LRP1B: variants seen among roughly 807,000 people sequenced by gnomAD.
LRP1B encodes LDL receptor related protein 1B, also known as low-density lipoprotein receptor-related protein 1B.
Under a neutral mutation model 556.6 loss-of-function variants are expected in LRP1B, and 217 were observed. That is an observed-to-expected ratio of 0.39 (90% CI 0.35 to 0.44). The LOEUF (loss-of-function observed/expected upper bound fraction) is 0.44. Among genes scored for constraint, LRP1B ranks in the 20% least tolerant of loss-of-function variants. LRP1B has a pLI of 1.00. For missense variants in LRP1B, 5,053 were observed against 5,620.8 expected (o/e 0.90, Z 3.23); for synonymous variants, 2,047 against 1,865.8 (o/e 1.10, Z -2.50).
intron 89 of LRP1B, among the ~76,000 whole-genome samples, chr2:140,235,808 A>G (rs914905247): frequency 6.7e-6 from 1 of 150,370 alleles, no homozygotes; most frequent in African/African-American, 2.4e-5. Flanking sequence ...AATGATGAGG[A>G]AAAAATAACC....
intron 84 of LRP1B, among the ~76,000 whole-genome samples, chr2:140,297,059 T>G (rs922173210): frequency 7.9e-5 from 12 of 151,918 alleles, no homozygotes; most frequent in Admixed American, 2.6e-4. Context: ...GTGGGAGATG[T>G]GTTCATAAGT....
rs139276551 is a variant in LRP1B at position 141,238,284 on chromosome 2, T to G, written c.593-8844A>C. Reference sequence around the variant, plus strand: ...AGCTACAGAAAAATATTTTCTCTACTCAGACATCTTTCTCTATGTTATAGA... The same window carrying G: ...AGCTACAGAAAAATATTTTCTCTACGCAGACATCTTTCTCTATGTTATAGA... On this transcript the variant is annotated intron_variant, in intron 5 of 90. Coordinates refer to ENST00000389484, the MANE Select transcript of LRP1B (RefSeq NM_018557.3). 4.8e-3 allele frequency among the ~76,000 whole-genome samples: 731 copies of G among 152,264 alleles called. 5 individuals carry two copies. The highest frequency in any genetic ancestry group is 0.017 in the African/African-American group (701 of 41,572).
intron 1 of LRP1B, among the ~76,000 whole-genome samples, chr2:142,110,534 G>A (rs920178425): frequency 6.6e-6 from 1 of 152,004 alleles, no homozygotes; most frequent in Non-Finnish European, 1.5e-5. Context: ...TTCTAATGTA[G>A]CAAAAATGTC....
intron 57 of LRP1B, among the ~76,000 whole-genome samples, chr2:140,488,374 A>T (rs1688564239): frequency 6.6e-6 from 1 of 152,030 alleles, no homozygotes; most frequent in Non-Finnish European, 1.5e-5. Flanking sequence ...GGTAATCAAC[A>T]TGTTTTTATT....
At chr2:140,615,686 C>CTGT (rs1683229790) in intron 41 of LRP1B, among the ~76,000 whole-genome samples, 2 of 152,030 alleles carry the variant, frequency 1.3e-5, no homozygotes, top group South Asian at 4.1e-4. Context: ...TATCACAATG[C>CTGT]TGTTTGTCAA....
Position 141,481,841 on chromosome 2 carries a change from C to G in LRP1B, c.206-1308G>C, listed in dbSNP as rs146908821. On this transcript the variant is annotated intron_variant, in intron 2 of 90. Coordinates refer to ENST00000389484, the MANE Select transcript of LRP1B (RefSeq NM_018557.3). ...TGTGGTGAGGATTCTATCAAAAGCT[C>G]TTAGAATACTGTCTGGCAGACACTT... is the stretch of plus-strand genomic sequence containing the variant. Among the ~76,000 whole-genome samples, 10 of 152,200 alleles carry G rather than the reference C, an allele frequency of 6.6e-5. No individual in the cohort carries two copies. The East Asian group carries it at 1.9e-3, about 29-fold the overall frequency.
chr2:140,841,149 T>C, intron 29 of LRP1B, 57 bp from the exon 30 acceptor site: 1 of 1,104,826 alleles, frequency 9.1e-7, no homozygotes, highest in Non-Finnish European at 1.3e-6. Flanking sequence ...TTGTACTGGC[T>C]CTGCAAGTAG....
At chr2:140,270,426 G>T in intron 85 of LRP1B, 80 bp from the exon 86 acceptor site, 1 of 927,966 alleles carries the variant, frequency 1.1e-6, no homozygotes, top group Non-Finnish European at 1.8e-6. Flanking sequence ...ACTCTCTGTG[G>T]ATGAGAATAT....
chr2:140,267,135 T>G (rs1462341484), intron 86 of LRP1B, among the ~76,000 whole-genome samples: 2 of 152,072 alleles, frequency 1.3e-5, no homozygotes. Flanking sequence ...TGTGAAGGGT[T>G]TAACACAGTA....
Position 140,475,236 on chromosome 2 carries a change from G to A in LRP1B, c.9527C>T (p.Pro3176Leu), listed in dbSNP as rs759771648. The change falls in exon 60 of 91, where the codon CCT becomes CTT. Residue 3176 changes from proline to leucine, a missense_variant. By Grantham distance (98) the Pro-to-Leu change is moderately conservative. This residue lies in a region of LRP1B where 3,619 missense variants were observed against 3,931.9 expected (regional missense o/e 0.92). Transcript: ENST00000389484. ...AACATAATCTATTGTTAGTGCCATA[G>A]GTCTAGAAATCTTGGTTTCTATGAC... ...SVVIETKISR[P>L]MALTIDYVNR... is the part of the protein sequence containing the mutation. The A allele has an allele frequency of 1.2e-6, 2 of 1,611,664 alleles. No individual in the cohort carries two copies. Among genetic ancestry groups the A allele is most frequent in the Non-Finnish European group, 1.7e-6 (2 of 1,178,554 alleles).
In LRP1B at chr2:141,213,117, A is replaced by AT. The variant is rs551951254; in HGVS notation, c.850+16065dup. ...GAGCACCATCATCCTCAGCTAATTA[A>AT]TTTTTTTTTTTTTTTGTAAAGATGA... is the stretch of plus-strand genomic sequence containing the variant. On this transcript the variant is annotated intron_variant, in intron 6 of 90. Coordinates refer to ENST00000389484, the MANE Select transcript of LRP1B (RefSeq NM_018557.3). Among the ~76,000 whole-genome samples the AT allele has an allele frequency of 3.5e-3, 489 of 140,270 alleles. 2 individuals carry two copies. Among genetic ancestry groups the AT allele is most frequent in the East Asian group, 0.019 (92 of 4,822 alleles). The allele number at this position is 140,270 out of a possible 152,430, so 92.0% of individuals were successfully genotyped here.
chr2:140,967,652 T>C (rs1432774655), intron 18 of LRP1B, among the ~76,000 whole-genome samples: 3 of 151,652 alleles, frequency 2.0e-5, no homozygotes, highest in Non-Finnish European at 4.4e-5. Context: ...TTTTTGCCCA[T>C]TCAGTATGAT....
chr2:141,743,486 C>CTTTTTTTTTT (rs765968445), intron 2 of LRP1B, among the ~76,000 whole-genome samples: 35 of 108,012 alleles, frequency 3.2e-4, no homozygotes, highest in East Asian at 5.5e-4. Flanking sequence ...CTGCTTTTTT[C>CTTTTTTTTTT]TTTTTTTTTT....
chr2:140,532,942 A>ATC (rs1690771933), intron 47 of LRP1B, among the ~76,000 whole-genome samples: 2 of 101,788 alleles, frequency 2.0e-5, no homozygotes, highest in East Asian at 4.7e-4. Context: ...ATATATATAT[A>ATC]TATATACACA....
intron 35 of LRP1B, among the ~76,000 whole-genome samples, chr2:140,733,267 T>A (rs1687837323): frequency 6.6e-6 from 1 of 152,150 alleles, no homozygotes; most frequent in African/African-American, 2.4e-5. Flanking sequence ...AGGGAGAGTG[T>A]GACCATATAA....
intron 31 of LRP1B, 130 bp downstream of exon 31, chr2:140,839,861 T>G (rs987163974): frequency 1.5e-6 from 1 of 652,774 alleles, no homozygotes. Context: ...TCAATGAAAT[T>G]GGTCAGTTCC....
chr2:142,054,563 T>G (rs1361608219), intron 1 of LRP1B, among the ~76,000 whole-genome samples: 1 of 152,160 alleles, frequency 6.6e-6, no homozygotes, highest in Non-Finnish European at 1.5e-5. Context: ...CAAAGCCAGA[T>G]GACCACATTT....
chr2:142,035,235 A>G (rs1703838261), intron 1 of LRP1B, among the ~76,000 whole-genome samples: 1 of 151,700 alleles, frequency 6.6e-6, no homozygotes, highest in South Asian at 2.1e-4. Context: ...ATGACAGGAC[A>G]CCCTTAAGAA....
chr2:141,910,617 G>C (rs1368584399), intron 1 of LRP1B, among the ~76,000 whole-genome samples: 1 of 152,030 alleles, frequency 6.6e-6, no homozygotes, highest in Non-Finnish European at 1.5e-5. Flanking sequence ...AAATGGATAA[G>C]AAATCATATC....
Sources: allele counts gnomAD v4.1 joint callset (sites outside exome capture counted in the v4.1 genomes callset), GRCh38; gene constraint gnomAD v4.1.1; regional missense constraint gnomAD v4.1.1; transcripts MANE v1.5; gene names NCBI Gene and HGNC (gene_info 2026-07-23, HGNC 2026-07-21).